The following BMP5 variants were observed in gnomAD, a reference collection of about 807,000 sequenced individuals.
BMP5 encodes the protein bone morphogenetic protein 5.
Under a neutral mutation model 46.6 loss-of-function variants are expected in BMP5, and 23 were observed. That is an observed-to-expected ratio of 0.49 (90% CI 0.35 to 0.70). The LOEUF is 0.70. BMP5 is among the 30% of genes least tolerant of loss of function. BMP5 has a pLI of 0.00. For missense variants in BMP5, 545 were observed against 565.6 expected, an observed-to-expected ratio of 0.96 and a Z score of 0.37; for synonymous variants, 204 against 191.9, an observed-to-expected ratio of 1.06 and a Z score of -0.52.
intron 1 of BMP5, among the ~76,000 whole-genome samples, chr6:55,830,784 A>G (rs1391411573): frequency 6.6e-6 from 1 of 152,152 alleles, no homozygotes. Context: ...CATATTCTCC[A>G]AAATGGTCAG....
chr6:55,813,700 C>CA (rs998544485), intron 2 of BMP5, among the ~76,000 whole-genome samples: 3 of 150,458 alleles, frequency 2.0e-5, no homozygotes, highest in Non-Finnish European at 4.4e-5. Context: ...GGCAGGAGAA[C>CA]AGCGTGAACC....
chr6:55,827,346 G>A (rs1419149248), intron 1 of BMP5, among the ~76,000 whole-genome samples: 1 of 151,584 alleles, frequency 6.6e-6, no homozygotes, highest in Admixed American at 6.6e-5. Flanking sequence ...CTAGAAGCTA[G>A]ATGTCATTGT....
intron 2 of BMP5, among the ~76,000 whole-genome samples, chr6:55,812,396 C>T (rs970914260): frequency 1.8e-4 from 27 of 152,252 alleles, no homozygotes; most frequent in African/African-American, 6.5e-4. Context: ...CATAATGGAT[C>T]TACCATATTT....
intron 4 of BMP5, among the ~76,000 whole-genome samples, chr6:55,767,944 T>C (rs1774954759): frequency 6.6e-6 from 1 of 151,986 alleles, no homozygotes. Flanking sequence ...ATTAAAAGCA[T>C]ATAACAAAAA....
chr6:55,810,646 C>T (rs1474532288), intron 2 of BMP5, among the ~76,000 whole-genome samples: 1 of 152,132 alleles, frequency 6.6e-6, no homozygotes, highest in Non-Finnish European at 1.5e-5. Flanking sequence ...TCTTATGATC[C>T]AAAATATTAA....
intron 4 of BMP5, among the ~76,000 whole-genome samples, chr6:55,764,634 T>C (rs1303700072): frequency 7.1e-6 from 1 of 140,688 alleles, no homozygotes; most frequent in Non-Finnish European, 1.6e-5. Context: ...TAGAGCAAGA[T>C]GGATGAAACA....
At chr6:55,863,289 T>C (rs1356381316) in intron 1 of BMP5, among the ~76,000 whole-genome samples, 3 of 152,210 alleles carry the variant, frequency 2.0e-5, no homozygotes, top group Non-Finnish European at 2.9e-5. Context: ...TTGTTGTTGT[T>C]AAAAGTTGTA....
At chr6:55,839,914 T>G (rs1776909628) in intron 1 of BMP5, among the ~76,000 whole-genome samples, 1 of 152,148 alleles carries the variant, frequency 6.6e-6, no homozygotes, top group South Asian at 2.1e-4. Context: ...TTATAATTAC[T>G]TATTTGTAGA....
At chr6:55,763,463 A>G (rs1347734554) in intron 4 of BMP5, among the ~76,000 whole-genome samples, 1 of 152,146 alleles carries the variant, frequency 6.6e-6, no homozygotes, top group Non-Finnish European at 1.5e-5. Context: ...ATAAAAATTA[A>G]TGGATAGTGA....
intron 1 of BMP5, among the ~76,000 whole-genome samples, chr6:55,851,979 G>A (rs1260672284): frequency 6.6e-6 from 1 of 152,084 alleles, no homozygotes; most frequent in Non-Finnish European, 1.5e-5. Context: ...AAATTTAGAA[G>A]GAAATTGTAT....
At chr6:55,822,107 G>C (rs1483988375) in intron 1 of BMP5, among the ~76,000 whole-genome samples, 1 of 152,238 alleles carries the variant, frequency 6.6e-6, no homozygotes, top group Non-Finnish European at 1.5e-5. Context: ...AACTGTGGAA[G>C]CATGGGGAAT....
At chr6:55,804,491 A>G (rs550968305) in intron 2 of BMP5, among the ~76,000 whole-genome samples, 2 of 152,342 alleles carry the variant, frequency 1.3e-5, no homozygotes, top group African/African-American at 4.8e-5. Context: ...TATTGTATTA[A>G]GCCATCATAG....
In BMP5 at chr6:55,755,542, G is replaced by A. The variant is rs773731157; in HGVS notation, c.1356C>T (p.Gly452=). 3 of 1,609,530 alleles carry A rather than the reference G, an allele frequency of 1.9e-6. No individual in the cohort carries two copies. Among genetic ancestry groups the A allele is most frequent in the Non-Finnish European group, 2.5e-6 (3 of 1,176,728 alleles). The change falls in exon 7 of 7, where the codon GGC becomes GGT. Residue 452 remains glycine (G), a synonymous_variant. Transcript: ENST00000370830. ...KYRNMVVRSC[G]CH ...TCAATATTATTTAATATTAGTGGCA[G>A]CCACATGAGCGTACTACCATATTTC... is the stretch of plus-strand genomic sequence containing the variant.
At chr6:55,802,147 C>T (rs149143479) in intron 2 of BMP5, among the ~76,000 whole-genome samples, 1 of 152,316 alleles carries the variant, frequency 6.6e-6, no homozygotes, top group African/African-American at 2.4e-5. Context: ...CTAGCAAAAT[C>T]TGTGCTTCTG....
At chr6:55,794,513 C>T in intron 2 of BMP5, 86 bp from the exon 3 acceptor site, 1 of 1,356,034 alleles carries the variant, frequency 7.4e-7, no homozygotes, top group South Asian at 1.2e-5. Context: ...ATTACAAAAG[C>T]AGTTTGTAAA....
At chr6:55,767,107 A>G (rs374395280) in intron 4 of BMP5, among the ~76,000 whole-genome samples, 57 of 152,162 alleles carry the variant, frequency 3.7e-4, no homozygotes, top group East Asian at 2.5e-3. Context: ...AACAACAGAC[A>G]CAATGCCTTA....
intron 1 of BMP5, among the ~76,000 whole-genome samples, chr6:55,849,222 T>C (rs1777163276): frequency 6.6e-6 from 1 of 152,024 alleles, no homozygotes; most frequent in Non-Finnish European, 1.5e-5. Context: ...CCTATCCTTA[T>C]AGAGTTCATA....
intron 2 of BMP5, among the ~76,000 whole-genome samples, chr6:55,802,915 G>A (rs1039128755): frequency 6.6e-6 from 1 of 151,452 alleles, no homozygotes; most frequent in Non-Finnish European, 1.5e-5. Flanking sequence ...GGGGGAGTAT[G>A]GCTCAGCTAG....
At chr6:55,806,909 A>C (rs937013023) in intron 2 of BMP5, among the ~76,000 whole-genome samples, 1 of 152,102 alleles carries the variant, frequency 6.6e-6, no homozygotes, top group African/African-American at 2.4e-5. Context: ...TGATTTTTGC[A>C]CATTGATTTT....
Sources: gnomAD v4.1 joint callset for allele counts (sites outside exome capture counted in the v4.1 genomes callset) on GRCh38, gnomAD v4.1.1 for gene constraint, MANE v1.5 for transcripts, NCBI Gene and HGNC (gene_info 2026-07-23, HGNC 2026-07-21) for gene names.